Variants in DSCAM observed in about 807,000 individuals in gnomAD.
DSCAM encodes DS cell adhesion molecule.
A neutral mutation model predicts 217.7 loss-of-function variants in DSCAM; 47 were observed. The observed-to-expected ratio is 0.22, with a 90% CI of 0.17 to 0.28. The LOEUF (loss-of-function observed/expected upper bound fraction) is 0.28, where lower values mean the gene tolerates loss of function less well. Among genes scored for constraint, DSCAM ranks in the 10% least tolerant of loss-of-function variants. The pLI, the probability that DSCAM is intolerant of heterozygous loss-of-function variation, is 1.00. For missense variants in DSCAM, 2,080 were observed against 2,618.3 expected (o/e 0.79, Z 4.49); for synonymous variants, 1,056 against 1,015.3 (o/e 1.04, Z -0.76).
chr21:40,371,415 G>A (rs1189431585), intron 3 of DSCAM, among the ~76,000 whole-genome samples: 4 of 120,654 alleles, frequency 3.3e-5, no homozygotes, highest in African/African-American at 1.2e-4. Flanking sequence ...TAGACAGAAA[G>A]GAAAGTCAAA....
chr21:40,498,761 GTA>G (rs1389665155), intron 3 of DSCAM, among the ~76,000 whole-genome samples: 5 of 29,526 alleles, frequency 1.7e-4, no homozygotes, highest in East Asian at 9.6e-4. Context: ...ATATATGGGT[GTA>G]TATATATATA....
At chr21:40,830,358 G>T (rs898453766) in intron 1 of DSCAM, among the ~76,000 whole-genome samples, 3 of 152,010 alleles carry the variant, frequency 2.0e-5, no homozygotes, top group Admixed American at 6.5e-5. Flanking sequence ...CGCCATGAAG[G>T]ATCCCTCCTA....
intron 32 of DSCAM, among the ~76,000 whole-genome samples, chr21:40,020,727 C>A (rs746356842): frequency 6.6e-6 from 1 of 152,178 alleles, no homozygotes; most frequent in Non-Finnish European, 1.5e-5. Flanking sequence ...CCTACCTGCC[C>A]GCACTGCCGG....
Position 40,296,051 on chromosome 21 carries a change from A to G in DSCAM, c.2182+4T>C. 4 of 1,613,170 alleles carry G rather than the reference A, an allele frequency of 2.5e-6. No individual in the cohort carries two copies. The highest frequency in any genetic ancestry group is 3.4e-6 in the Non-Finnish European group (4 of 1,179,678). On this transcript the variant is annotated splice_donor_region_variant and intron_variant, in intron 10 of 32. Transcript: ENST00000400454. ...GGTAACAAGTAGATCAAGTAACTCC[A>G]TACCTTTAGAGAATTTCCACACGAT...
intron 18 of DSCAM, among the ~76,000 whole-genome samples, chr21:40,136,485 CA>C: frequency 1.3e-5 from 2 of 152,230 alleles, no homozygotes; most frequent in East Asian, 3.9e-4. Context: ...TGTCTTTAAA[CA>C]AACTAATTAA....
intron 22 of DSCAM, among the ~76,000 whole-genome samples, chr21:40,086,553 A>G (rs957277247): frequency 4.6e-5 from 7 of 152,210 alleles, no homozygotes; most frequent in African/African-American, 1.7e-4. Context: ...TTCTATGCTC[A>G]TAAATGAATT....
chr21:40,084,899 C>G (rs778632195), intron 23 of DSCAM, among the ~76,000 whole-genome samples: 31 of 152,174 alleles, frequency 2.0e-4, no homozygotes, highest in Non-Finnish European at 4.1e-4. Flanking sequence ...TTCCATCCCA[C>G]CGAGAACAGT....
chr21:40,377,482 T>C (rs1398042024), intron 3 of DSCAM, among the ~76,000 whole-genome samples: 1 of 152,034 alleles, frequency 6.6e-6, no homozygotes, highest in African/African-American at 2.4e-5. Flanking sequence ...ATGCCAGGTA[T>C]TGATTCTGAG....
intron 3 of DSCAM, among the ~76,000 whole-genome samples, chr21:40,528,091 T>C (rs947693730): frequency 1.3e-5 from 2 of 152,196 alleles, no homozygotes; most frequent in African/African-American, 4.8e-5. Flanking sequence ...AACCATAGTA[T>C]TTCTACCATG....
At chr21:40,836,210 T>TA (rs2092054682) in intron 1 of DSCAM, among the ~76,000 whole-genome samples, 1 of 152,192 alleles carries the variant, frequency 6.6e-6, no homozygotes, top group Non-Finnish European at 1.5e-5. Context: ...GCTTCATGGT[T>TA]ACAGGCAGGT....
At chr21:40,351,828 A>C (rs1601577681) in intron 5 of DSCAM, among the ~76,000 whole-genome samples, 1 of 152,198 alleles carries the variant, frequency 6.6e-6, no homozygotes, top group African/African-American at 2.4e-5. Context: ...TGAGTTGAGA[A>C]GGAGACAGGA....
intron 32 of DSCAM, among the ~76,000 whole-genome samples, chr21:40,017,664 C>T (rs533280160): frequency 1.3e-3 from 201 of 152,146 alleles, no homozygotes; most frequent in African/African-American, 4.5e-3. Context: ...CGATTCTCCC[C>T]CCTCAGCCTC....
At chr21:40,576,898 C>T (rs79390722) in intron 3 of DSCAM, among the ~76,000 whole-genome samples, 1 of 151,614 alleles carries the variant, frequency 6.6e-6, no homozygotes, top group Non-Finnish European at 1.5e-5. Context: ...TAGCGTTGCA[C>T]CCAGGCGAGT....
intron 3 of DSCAM, among the ~76,000 whole-genome samples, chr21:40,692,417 G>A (rs374894151): frequency 6.6e-6 from 1 of 152,194 alleles, no homozygotes; most frequent in East Asian, 1.9e-4. Flanking sequence ...AAAAGGTCAT[G>A]AAAACAGGGC....
intron 24 of DSCAM, among the ~76,000 whole-genome samples, chr21:40,082,145 C>T (rs1225269626): frequency 6.6e-6 from 1 of 152,130 alleles, no homozygotes; most frequent in African/African-American, 2.4e-5. Context: ...CACTTTTCTT[C>T]CCAGCTGTCC....
chr21:40,601,769 T>C (rs763706993), intron 3 of DSCAM, among the ~76,000 whole-genome samples: 3 of 152,220 alleles, frequency 2.0e-5, no homozygotes, highest in African/African-American at 4.8e-5. Context: ...GTTATGATCA[T>C]ATGATTTTCA....
intron 1 of DSCAM, among the ~76,000 whole-genome samples, chr21:40,792,137 C>CTTTTTTT (rs67838146): frequency 2.5e-4 from 30 of 118,598 alleles, no homozygotes; most frequent in African/African-American, 7.8e-4. Flanking sequence ...TCTTCTTCTT[C>CTTTTTTT]TTTTTTTTTT....
At chr21:40,633,619 G>A (rs1601807619) in intron 3 of DSCAM, among the ~76,000 whole-genome samples, 2 of 152,320 alleles carry the variant, frequency 1.3e-5, no homozygotes, top group South Asian at 2.1e-4. Context: ...TGCACATGGC[G>A]ATTTTTCTAT....
chr21:40,420,892 T>G (rs1241183644), intron 3 of DSCAM, among the ~76,000 whole-genome samples: 2 of 152,180 alleles, frequency 1.3e-5, no homozygotes, highest in Non-Finnish European at 2.9e-5. Context: ...TGCTGATACC[T>G]TGATCTCAGA....
Sources: gnomAD v4.1 joint callset for allele counts (sites outside exome capture counted in the v4.1 genomes callset) on GRCh38, gnomAD v4.1.1 for gene constraint, MANE v1.5 for transcripts, NCBI Gene and HGNC (gene_info 2026-07-23, HGNC 2026-07-21) for gene names.